CEP350: variants seen among roughly 807,000 people sequenced by gnomAD.
CEP350 encodes the protein centrosomal protein 350.
A neutral mutation model predicts 331.8 loss-of-function variants in CEP350; 126 were observed. That is an observed-to-expected ratio of 0.38 (90% CI 0.33 to 0.44). The LOEUF is 0.44. Ranked by LOEUF, CEP350 falls within the 20% of genes least tolerant of loss-of-function variation. CEP350 has a pLI of 1.00. For synonymous variants in CEP350, 1,200 were observed against 1,259.5 expected (o/e 0.95, Z 1.00); for missense variants, 3,406 against 3,634.6 (o/e 0.94, Z 1.62).
chr1:180,087,317 C>G (rs1399484958), intron 31 of CEP350: 1 of 238,204 alleles, frequency 4.2e-6, no homozygotes, highest in Non-Finnish European at 8.0e-6. Context: ...TAGTATTAAA[C>G]TTCTGTAGAT....
At chr1:179,972,845 C>G (rs1405937227) in intron 1 of CEP350, among the ~76,000 whole-genome samples, 2 of 150,618 alleles carry the variant, frequency 1.3e-5, no homozygotes, top group African/African-American at 4.9e-5. Context: ...GAGTCAGAGT[C>G]TAAATGGACA....
intron 29 of CEP350, among the ~76,000 whole-genome samples, chr1:180,079,478 A>C (rs1042148815): frequency 6.6e-6 from 1 of 151,908 alleles, no homozygotes; most frequent in Non-Finnish European, 1.5e-5. Context: ...GAAGAAAAAC[A>C]TATTTTATTC....
chr1:180,063,682 A>G (rs780392034), intron 26 of CEP350, among the ~76,000 whole-genome samples: 76 of 152,054 alleles, frequency 5.0e-4, no homozygotes, highest in Non-Finnish European at 8.7e-4. Context: ...ACATGGTGGC[A>G]TACACCTATA....
In CEP350 at chr1:180,037,042, A is replaced by G. The variant is rs1656399296; in HGVS notation, c.4063A>G (p.Ile1355Val). 2 of 1,605,616 alleles carry G rather than the reference A, an allele frequency of 1.2e-6. No homozygotes were observed. Among genetic ancestry groups the G allele is most frequent in the East Asian group, 2.2e-5 (1 of 44,742 alleles). The change falls in exon 17 of 38, where the codon ATT (isoleucine) becomes GTT (valine). Residue 1355 changes from isoleucine to valine, a missense_variant. Ile to Val is a conservative substitution (Grantham distance 29). Coordinates refer to ENST00000367607, the MANE Select transcript of CEP350 (RefSeq NM_014810.5). ...GTCAGATGTAGAAAGAGTTAGAGGC[A>G]TTTCACTTGCTCAGCAGGAGAGTGT... ...QLSDVERVRG[I>V]SLAQQESVSL...
intron 1 of CEP350, among the ~76,000 whole-genome samples, chr1:179,962,282 A>G (rs1217623773): frequency 6.6e-6 from 1 of 152,206 alleles, no homozygotes; most frequent in Non-Finnish European, 1.5e-5. Context: ...GCTTAGGATA[A>G]TGACCTCCAG....
intron 9 of CEP350, among the ~76,000 whole-genome samples, chr1:180,012,797 CTT>C (rs1457695548): frequency 6.6e-6 from 1 of 152,226 alleles, no homozygotes; most frequent in African/African-American, 2.4e-5. Context: ...ATTTGGGCCT[CTT>C]CACTTTTATC....
intron 3 of CEP350, among the ~76,000 whole-genome samples, 165 bp from the exon 4 acceptor site, chr1:179,990,342 A>G (rs1303994007): frequency 6.6e-6 from 1 of 152,222 alleles, no homozygotes; most frequent in Non-Finnish European, 1.5e-5. Context: ...TTATAGCTAA[A>G]GTAAAAAATG....
intron 1 of CEP350, among the ~76,000 whole-genome samples, chr1:179,965,332 G>A (rs763986676): frequency 4.9e-4 from 74 of 152,248 alleles, no homozygotes; most frequent in Non-Finnish European, 8.4e-4. Flanking sequence ...GTCCATCTTA[G>A]AGAATGTTCC....
At chr1:180,049,543 CTT>C (rs34061683) in intron 22 of CEP350, among the ~76,000 whole-genome samples, 4,618 of 130,056 alleles carry the variant, frequency 0.036, 115 homozygotes, top group African/African-American at 0.072. Flanking sequence ...TTACTTACAC[CTT>C]TTTTTTTTTT....
chr1:179,979,889 T>C (rs1479102554), intron 1 of CEP350, among the ~76,000 whole-genome samples: 1 of 152,166 alleles, frequency 6.6e-6, no homozygotes, highest in Admixed American at 6.6e-5. Flanking sequence ...TCCATTGGTC[T>C]ATATGTCTGA....
chr1:179,965,615 C>CTTTTTTTTTTTTTTTTTTTTTT (rs747027286), intron 1 of CEP350, among the ~76,000 whole-genome samples: 1 of 84,420 alleles, frequency 1.2e-5, no homozygotes, highest in Non-Finnish European at 2.2e-5. Flanking sequence ...TTTTTCTTTT[C>CTTTTTTTTTTTTTTTTTTTTTT]TTTTTTTTTT....
chr1:180,039,954 A>G (rs1656648484), intron 17 of CEP350, among the ~76,000 whole-genome samples: 1 of 152,030 alleles, frequency 6.6e-6, no homozygotes, highest in Non-Finnish European at 1.5e-5. Context: ...TATTTCTCTC[A>G]TTAGTATTTC....
intron 33 of CEP350, among the ~76,000 whole-genome samples, chr1:180,091,449 C>G (rs1358480506): frequency 6.6e-6 from 1 of 152,090 alleles, no homozygotes; most frequent in African/African-American, 2.4e-5. Context: ...GATTTTTAAT[C>G]TGGTTATATA....
chr1:180,019,687 G>T (rs966614434), intron 11 of CEP350, among the ~76,000 whole-genome samples: 5 of 151,692 alleles, frequency 3.3e-5, no homozygotes, highest in Admixed American at 1.3e-4. Flanking sequence ...CAGTATATAT[G>T]GTAAAATCCC....
intron 1 of CEP350, among the ~76,000 whole-genome samples, chr1:179,956,433 G>T (rs1650175293): frequency 6.6e-6 from 1 of 152,170 alleles, no homozygotes; most frequent in African/African-American, 2.4e-5. Flanking sequence ...TCATACGTAT[G>T]TGAACATATT....
At chr1:180,012,900 A>T (rs1387527877) in intron 9 of CEP350, among the ~76,000 whole-genome samples, 1 of 152,156 alleles carries the variant, frequency 6.6e-6, no homozygotes, top group African/African-American at 2.4e-5. Context: ...TGTATATTTA[A>T]GTTTTTCCAT....
At chr1:180,090,274 C>T (rs55882713) in intron 32 of CEP350, among the ~76,000 whole-genome samples, 11,535 of 151,780 alleles carry the variant, frequency 0.076, 614 homozygotes, top group African/African-American at 0.16. Context: ...AGGCCGGGCG[C>T]GGTGGCTCAC....
At chr1:180,052,212 T>C (rs1206681966) in intron 22 of CEP350, 1 of 454,062 alleles carries the variant, frequency 2.2e-6, no homozygotes, top group African/African-American at 2.0e-5. Context: ...TTTCTTTCTT[T>C]CTTTTTTTAA....
Position 180,013,978 on chromosome 1 carries a change from C to T in CEP350, c.1525C>T (p.Pro509Ser). Residue 509 changes from proline to serine, a missense_variant, in exon 10 of 38, where the codon CCA becomes TCA. Transcript: ENST00000367607. ...TATAAAGAAACTAGCTTCATCTCTT[C>T]CAGATAATAAGCAGGAGGAAAATAC... The part of the protein sequence containing the change: ...NNIKKLASSL[P>S]DNKQEENTAL... The T allele has an allele frequency of 6.2e-7, 1 of 1,613,706 alleles. No homozygotes were observed. The highest frequency in any genetic ancestry group is 8.5e-7 in the Non-Finnish European group (1 of 1,179,718).
Sources: gnomAD v4.1 joint callset for allele counts (sites outside exome capture counted in the v4.1 genomes callset) on GRCh38, gnomAD v4.1.1 for gene constraint, MANE v1.5 for transcripts, NCBI Gene and HGNC (gene_info 2026-07-23, HGNC 2026-07-21) for gene names.